Variants in PLEC observed in about 807,000 individuals in gnomAD.
PLEC encodes plectin.
In PLEC, 216 loss-of-function variants were observed where a neutral mutation model predicts 392.8. The ratio of observed to expected loss-of-function variants is 0.55; its 90% CI spans 0.49 to 0.62. The LOEUF (loss-of-function observed/expected upper bound fraction) is 0.62. Ranked by LOEUF, PLEC falls within the 20% of genes least tolerant of loss-of-function variation. The probability of loss-of-function intolerance (pLI) is 0.00; values close to 1 mark genes in which losing one functional copy is unlikely to be tolerated. For missense variants in PLEC, 6,863 were observed against 6,563.4 expected (o/e 1.05, Z -1.58); for synonymous variants, 3,621 against 2,980.6 (o/e 1.21, Z -7.00).
At chr8:143,950,283 G>T in exon 1 of PLEC, 1 of 1,570,712 alleles carries the variant, frequency 6.4e-7, no homozygotes, top group Non-Finnish European at 8.6e-7. Context: ...AGCTCCTTCC[G>T]ACGGTAGACC....
Position 143,917,552 on chromosome 8 carries a change from A to C in PLEC, c.12269T>G (p.Phe4090Cys), listed in dbSNP as rs1227023626. 2 of 1,613,730 alleles carry C rather than the reference A, an allele frequency of 1.2e-6. No individual in the cohort carries two copies. The highest frequency in any genetic ancestry group is 1.3e-5 in the African/African-American group (1 of 74,876). Residue 4090 changes from phenylalanine (F) to cysteine (C), a missense_variant, in exon 32 of 32, where the codon TTC (phenylalanine) becomes TGC (cysteine). Phe to Cys is a radical substitution (Grantham distance 205). Transcript: ENST00000345136. The part of the protein sequence containing the change: ...LTDPSDDTKG[F>C]FDPNTEENLT... ...GTTCTCCTCCGTGTTAGGGTCAAAG[A>C]AGCCCTTGGTGTCGTCCGAGGGGTC... is the stretch of plus-strand genomic sequence containing the variant.
At chr8:143,975,763 G>A (rs913361922), upstream of PLEC, among the ~76,000 whole-genome samples, 5 of 151,856 alleles carry the variant, frequency 3.3e-5, no homozygotes, top group Non-Finnish European at 5.9e-5. This position sits in a 1 kb window ranked among gnomAD's most constrained non-coding sequence, Gnocchi z 9.9. Flanking sequence ...CACCTACTCT[G>A]TCACCCAGGG....
In PLEC at chr8:143,916,318, G is replaced by C. The variant is rs1554668637; in HGVS notation, c.13503C>G (p.Ser4501=). The C allele has an allele frequency of 6.3e-7, 1 of 1,591,000 alleles. No homozygotes were observed. The highest frequency in any genetic ancestry group is 8.5e-7 in the Non-Finnish European group (1 of 1,170,858). ...CGGTGGCGTCAAAGCTGCCGCGGCG[G>C]GAGCCGGCCCGGGAGCCGGTGCGCG... ...TGSRTGSRAG[S]RRGSFDATGS... is the part of the protein sequence containing the mutation. The change falls in exon 32 of 32, where the codon TCC becomes TCG. Residue 4501 remains serine, a synonymous_variant. Transcript: ENST00000345136.
chr8:143,947,328 C>G (rs1587340484), intron 1 of PLEC, among the ~76,000 whole-genome samples: 1 of 152,226 alleles, frequency 6.6e-6, no homozygotes, highest in African/African-American at 2.4e-5. Context: ...TGTGCGTGTA[C>G]AGCGCTCACC....
In PLEC at chr8:143,916,815, C is replaced by T. The variant is rs201163149; in HGVS notation, c.13006G>A (p.Val4336Ile). Residue 4336 changes from valine (V) to isoleucine (I), a missense_variant, in exon 32 of 32, where the codon GTC becomes ATC. Coordinates refer to ENST00000345136, the MANE Select transcript of PLEC (RefSeq NM_201384.3). ...ATCTTGTCCACCAGGCCCTTGTTGA[C>T]GGCGTCGGTGACAGGGAAGCGCTCA... is the stretch of plus-strand genomic sequence containing the variant. ...TGERFPVTDA[V>I]NKGLVDKIMV... is the part of the protein sequence containing the mutation. 6.4e-5 allele frequency: 103 copies of T among 1,613,010 alleles called. No homozygotes were observed. Among genetic ancestry groups the T allele is most frequent in the South Asian group, 2.2e-5 (2 of 91,080 alleles).
chr8:143,926,546 G>A (rs1482663626), intron 30 of PLEC, among the ~76,000 whole-genome samples: 1 of 152,136 alleles, frequency 6.6e-6, no homozygotes, highest in Non-Finnish European at 1.5e-5. Context: ...TCACGAGGGA[G>A]GAGAGGCGGC....
intron 1 of PLEC, among the ~76,000 whole-genome samples, chr8:143,966,515 G>A (rs1481491532): frequency 1.3e-5 from 2 of 152,212 alleles, no homozygotes; most frequent in African/African-American, 2.4e-5. Context: ...GCCACCACGG[G>A]GGACTCCTCA....
intron 19 of PLEC, among the ~76,000 whole-genome samples, chr8:143,930,956 T>C (rs1554714589): frequency 6.6e-6 from 1 of 152,120 alleles, no homozygotes; most frequent in African/African-American, 2.4e-5. Context: ...TCAGAGGCCA[T>C]TTCAGTCTCC....
At chr8:143,963,219 T>C (rs1294191644) in intron 1 of PLEC, among the ~76,000 whole-genome samples, 2 of 152,182 alleles carry the variant, frequency 1.3e-5, no homozygotes, top group Non-Finnish European at 2.9e-5. Flanking sequence ...AAGGAAGGTA[T>C]TGGGCTTCTG....
upstream of PLEC, chr8:143,953,771 T>C: frequency 6.2e-7 from 1 of 1,612,068 alleles, no homozygotes; most frequent in South Asian, 1.1e-5. Context: ...GAGGGGTCCA[T>C]GTCTGCGCCG....
At chr8:143,945,079 A>AG in intron 1 of PLEC, 1 of 404,596 alleles carries the variant, frequency 2.5e-6, no homozygotes, top group Admixed American at 4.3e-5. Context: ...CTGCCAAGCC[A>AG]GGGGGTGCTC....
upstream of PLEC, among the ~76,000 whole-genome samples, chr8:143,952,222 G>A (rs1448593231): frequency 9.1e-5 from 11 of 120,874 alleles, no homozygotes; most frequent in East Asian, 2.1e-4. Flanking sequence ...GCGCACACAC[G>A]CACGCGCACG....
intron 1 of PLEC, among the ~76,000 whole-genome samples, chr8:143,946,044 C>T (rs1481773990): frequency 6.6e-6 from 1 of 152,250 alleles, no homozygotes; most frequent in African/African-American, 2.4e-5. Flanking sequence ...CTCCCTGCCA[C>T]GTGCTGGGGA....
upstream of PLEC, among the ~76,000 whole-genome samples, chr8:143,943,506 C>A (rs1272496986): frequency 1.3e-5 from 2 of 152,228 alleles, no homozygotes; most frequent in African/African-American, 2.4e-5. Flanking sequence ...ACAGGCCTCC[C>A]TTCGTGTGGG....
intron 19 of PLEC, among the ~76,000 whole-genome samples, chr8:143,931,120 TCCTTCTATAGCACAAGGGCTGGCGGTGCC>T (rs1305066788): frequency 5.9e-5 from 9 of 152,214 alleles, no homozygotes; most frequent in East Asian, 3.9e-4. Flanking sequence ...CTGGCAGTGC[TCCTTCTATAGCACAAGGGCTGGCGGTGCC>T]CCTTCTACAG....
In PLEC at chr8:143,927,041, T is replaced by C. The variant is rs1554706509; in HGVS notation, c.3881A>G (p.Glu1294Gly). Residue 1294 changes from glutamate to glycine, a missense_variant, in exon 29 of 32, where the codon GAG becomes GGG. By Grantham distance (98) the Glu-to-Gly change is moderately conservative. Transcript: ENST00000345136. ...LQLVTYKAQL[E>G]PVASPAKKPK... ...CTTCTTGGCCGGGGAGGCCACCGGC[T>C]CAAGCTGCGCCTTGTACGTCACCAG... is the stretch of plus-strand genomic sequence containing the variant. The C allele has an allele frequency of 6.2e-7, 1 of 1,612,444 alleles. No homozygotes were observed. Among genetic ancestry groups the C allele is most frequent in the East Asian group, 2.2e-5 (1 of 44,870 alleles).
chr8:143,976,159 C>CCGGGCCGCAGCTCCAG (rs1833654371), upstream of PLEC, among the ~76,000 whole-genome samples: 2 of 152,206 alleles, frequency 1.3e-5, no homozygotes, highest in Admixed American at 1.3e-4. Context: ...GGGAGGGAGC[C>CCGGGCCGCAGCTCCAG]CGGGCCGCAG....
chr8:143,948,081 A>G (rs1564204890), intron 1 of PLEC, among the ~76,000 whole-genome samples: 1 of 152,248 alleles, frequency 6.6e-6, no homozygotes, highest in Non-Finnish European at 1.5e-5. Context: ...CTAAACAAGC[A>G]GGTGGACGGA....
upstream of PLEC, among the ~76,000 whole-genome samples, chr8:143,940,052 G>A (rs1012262933): frequency 5.3e-5 from 8 of 152,224 alleles, no homozygotes; most frequent in African/African-American, 9.6e-5. Context: ...GATACCTGGC[G>A]AGGGGAGGGG....
Sources: gnomAD v4.1 joint callset for allele counts (sites outside exome capture counted in the v4.1 genomes callset) on GRCh38, gnomAD v4.1.1 for gene constraint, Gnocchi (gnomAD v3.1) non-coding constraint, MANE v1.5 for transcripts, NCBI Gene and HGNC (gene_info 2026-07-23, HGNC 2026-07-21) for gene names.